MYO18A: variants seen among roughly 807,000 people sequenced by gnomAD.
MYO18A encodes myosin XVIIIA, also known as unconventional myosin-XVIIIa.
MYO18A carries 78 observed loss-of-function variants against 235.8 expected under a neutral mutation model. That is an observed-to-expected ratio of 0.33 (90% confidence interval 0.28 to 0.40). MYO18A has a LOEUF of 0.40. Among genes scored for constraint, MYO18A ranks in the 10% least tolerant of loss-of-function variants. The pLI is 1.00. For missense variants in MYO18A, 2,215 were observed against 2,699.3 expected (o/e 0.82, Z 3.98); for synonymous variants, 977 against 1,077.8 (o/e 0.91, Z 1.83).
intron 19 of MYO18A, among the ~76,000 whole-genome samples, chr17:29,108,175 CCT>C (rs1264938779): frequency 6.6e-6 from 1 of 152,104 alleles, no homozygotes; most frequent in Non-Finnish European, 1.5e-5. Flanking sequence ...TCCTTTTCCC[CCT>C]CTGTCCACTA....
At chr17:29,139,785 T>C (rs559682044) in intron 2 of MYO18A, among the ~76,000 whole-genome samples, 3 of 152,202 alleles carry the variant, frequency 2.0e-5, no homozygotes, top group South Asian at 2.1e-4. Flanking sequence ...AAGTGTCCTA[T>C]GCACAGAAAT....
chr17:29,072,173 A>C lies in MYO18A; in HGVS notation c.*2597T>G. 1 of 147,934 alleles carries C rather than the reference A, an allele frequency of 6.8e-6. No homozygotes were observed. Among genetic ancestry groups the C allele is most frequent in the Non-Finnish European group, 1.5e-5 (1 of 67,182 alleles). 9.2% of individuals were successfully genotyped at this position (147,934 alleles called of 1,614,324 possible). A position where few individuals can be genotyped will look rare whatever the true frequency, so the allele number is the denominator to read the frequency against. On this transcript the variant is annotated 3_prime_UTR_variant, in exon 42 of 42. Coordinates refer to ENST00000527372, the MANE Select transcript of MYO18A (RefSeq NM_078471.4). ...TGTGAAAACAGGAATAAAAGATGAG[A>C]GTGACAGAACTGAACATAAGCTAGC...
intron 2 of MYO18A, among the ~76,000 whole-genome samples, chr17:29,149,017 C>T (rs1310938102): frequency 6.6e-6 from 1 of 152,228 alleles, no homozygotes; most frequent in Non-Finnish European, 1.5e-5. Flanking sequence ...CCTGCAGCGC[C>T]GCTGGCGCCC....
At chr17:29,138,129 G>A (rs1035813015) in intron 2 of MYO18A, among the ~76,000 whole-genome samples, 1 of 152,078 alleles carries the variant, frequency 6.6e-6, no homozygotes, top group Non-Finnish European at 1.5e-5. Context: ...GAGGGAATGG[G>A]GGCACAAATG....
intron 20 of MYO18A, among the ~76,000 whole-genome samples, chr17:29,105,885 A>C (rs576038181): frequency 6.6e-6 from 1 of 152,144 alleles, no homozygotes; most frequent in African/African-American, 2.4e-5. Context: ...GGGAGCCCAA[A>C]GCAAGGAGTG....
chr17:29,128,391 C>T (rs1416859944), intron 2 of MYO18A: 18 of 1,288,770 alleles, frequency 1.4e-5, no homozygotes, highest in Admixed American at 6.9e-5. Flanking sequence ...TGGGCCTCTT[C>T]GCTTAGGCCT....
intron 2 of MYO18A, among the ~76,000 whole-genome samples, chr17:29,163,234 A>T (rs904364124): frequency 6.6e-6 from 1 of 152,202 alleles, no homozygotes; most frequent in South Asian, 2.1e-4. Context: ...TAGGAGGAGT[A>T]AAAGGAAGAG....
chr17:29,094,583 G>A (rs71369699), intron 30 of MYO18A, 67 bp downstream of exon 30: 25,959 of 1,532,470 alleles, frequency 0.017, 263 homozygotes, highest in Non-Finnish European at 0.02. Context: ...CCATGCCTGA[G>A]GCTGGCTGTG....
At position 29,154,121 on chromosome 17, in the gene MYO18A, T is replaced by TGTGTGTGTGTGTGCGCGCGCGC. The variant is rs142430455; in HGVS notation, c.999+11820_999+11821insGCGCGCGCGCACACACACACAC. Reference sequence around the variant, plus strand: ...TGCAGAGTGTGTGTGTGTGTGTGTGTGCGCGCGCGTGCGTGTGTATGTGGC... The same window carrying TGTGTGTGTGTGTGCGCGCGCGC: ...TGCAGAGTGTGTGTGTGTGTGTGTGTGTGTGTGTGTGTGCGCGCGCGCGCGCGCGCGTGCGTGTGTATGTGGC... On this transcript the variant is annotated intron_variant, in intron 2 of 41. Coordinates refer to ENST00000527372, the MANE Select transcript of MYO18A (RefSeq NM_078471.4). Among the ~76,000 whole-genome samples, 8 of 149,106 alleles carry TGTGTGTGTGTGTGCGCGCGCGC rather than the reference T, an allele frequency of 5.4e-5. No homozygotes were observed. The East Asian group carries it at 8.0e-4, about 15-fold the overall frequency.
chr17:29,136,258 T>A lies in MYO18A; in HGVS notation c.1000-14005A>T, dbSNP rs1447965426. ...AAGAAAAAAAAAAAAAAAATATATATATATATATATATATATGTAATGTAT... is the reference window on the plus strand; with the variant it reads ...AAGAAAAAAAAAAAAAAAATATATAAATATATATATATATATGTAATGTAT... On this transcript the variant is annotated intron_variant, in intron 2 of 41. Coordinates refer to ENST00000527372, the MANE Select transcript of MYO18A (RefSeq NM_078471.4). 6.6e-3 allele frequency among the ~76,000 whole-genome samples: 843 copies of A among 128,064 alleles called. 2 individuals carry two copies. Among genetic ancestry groups the A allele is most frequent in the African/African-American group, 0.02 (569 of 28,446 alleles). 84.0% of individuals were successfully genotyped at this position (128,064 alleles called of 152,430 possible).
Position 29,166,301 on chromosome 17 carries a change from G to A in MYO18A, c.640C>T (p.Pro214Ser), listed in dbSNP as rs1317110904. The change falls in exon 2 of 42, where the codon CCC becomes TCC. Residue 214 changes from proline (P) to serine (S), a missense_variant. Pro to Ser is a moderately conservative substitution (Grantham distance 74). Coordinates refer to ENST00000527372, the MANE Select transcript of MYO18A (RefSeq NM_078471.4). ...DLRLPPVVPL[P>S]PPTLRELELQ... Reference sequence around the variant, plus strand: ...TCCAGCTCCCGGAGGGTAGGTGGGGGCAGGGGCACCACGGGGGGCAGGCGC... The same window carrying A: ...TCCAGCTCCCGGAGGGTAGGTGGGGACAGGGGCACCACGGGGGGCAGGCGC... 1.2e-5 allele frequency: 19 copies of A among 1,612,500 alleles called. No homozygotes were observed. The highest frequency in any genetic ancestry group is 1.6e-5 in the Non-Finnish European group (19 of 1,179,862).
At chr17:29,154,472 C>T (rs1384855154) in intron 2 of MYO18A, among the ~76,000 whole-genome samples, 2 of 152,224 alleles carry the variant, frequency 1.3e-5, no homozygotes, top group African/African-American at 4.8e-5. Context: ...GCAATCGGGG[C>T]TCTGCCAGGC....
At chr17:29,168,905 C>T (rs2068338199) in intron 1 of MYO18A, among the ~76,000 whole-genome samples, 1 of 152,222 alleles carries the variant, frequency 6.6e-6, no homozygotes, top group Non-Finnish European at 1.5e-5. Flanking sequence ...CAAGACCACT[C>T]ATGCCTATAA....
intron 40 of MYO18A, among the ~76,000 whole-genome samples, chr17:29,083,696 G>C (rs185665323): frequency 6.6e-6 from 1 of 152,130 alleles, no homozygotes; most frequent in Non-Finnish European, 1.5e-5. Context: ...GGGTAAACAG[G>C]AGTTTAGCAG....
In MYO18A at chr17:29,098,009, TA is replaced by T. The variant is rs1008151616; in HGVS notation, c.3990+95del. On this transcript the variant is annotated intron_variant, in intron 25 of 41. Coordinates refer to ENST00000527372, the MANE Select transcript of MYO18A (RefSeq NM_078471.4). ...CCAAGGGCAGACAGGGATGCTGGGC[TA>T]GGGGTGAAGATGCCAACTGTCTTTG... 3.8e-6 allele frequency: 6 copies of T among 1,578,466 alleles called. No individual in the cohort carries two copies. In the African/African-American group the frequency reaches 5.4e-5, roughly 14 times the overall value.
rs144044077 is a variant in MYO18A, at chr17:29,111,222, C to T, written c.2900+202G>A. 6.4e-3 allele frequency among the ~76,000 whole-genome samples: 971 copies of T among 152,294 alleles called. 7 individuals carry two copies. Among genetic ancestry groups the T allele is most frequent in the Middle Eastern group, 0.034 (10 of 294 alleles). On this transcript the variant is annotated intron_variant, in intron 17 of 41. Transcript: ENST00000527372. The surrounding 1 kb of genome is among the most constrained non-coding windows in gnomAD (Gnocchi z 5.1). ...TCTTCACATTTAAACCATAGGCTCTCCCACCATGTCTGCCTCCCACCTCTA... is the reference window on the plus strand; with the variant it reads ...TCTTCACATTTAAACCATAGGCTCTTCCACCATGTCTGCCTCCCACCTCTA...
chr17:29,087,169 C>T (rs759469632), intron 37 of MYO18A, 48 bp from the exon 38 acceptor site: 4 of 1,570,386 alleles, frequency 2.5e-6, no homozygotes, highest in Non-Finnish European at 3.5e-6. Flanking sequence ...GGCCCATCAG[C>T]CAGGCAGAGG....
chr17:29,081,834 G>A (rs2066131598), intron 41 of MYO18A, among the ~76,000 whole-genome samples: 1 of 152,170 alleles, frequency 6.6e-6, no homozygotes, highest in African/African-American at 2.4e-5. Context: ...GCAGTGAAGA[G>A]ATTAGAGGAA....
intron 2 of MYO18A, among the ~76,000 whole-genome samples, chr17:29,165,212 G>C (rs2068253354): frequency 6.6e-6 from 1 of 152,188 alleles, no homozygotes; most frequent in Admixed American, 6.5e-5. Context: ...ATACATCTCA[G>C]ATGTTCCATG....
Sources: allele counts gnomAD v4.1 joint callset (sites outside exome capture counted in the v4.1 genomes callset), GRCh38; gene constraint gnomAD v4.1.1; non-coding constraint Gnocchi (gnomAD v3.1); transcripts MANE v1.5; gene names NCBI Gene and HGNC (gene_info 2026-07-23, HGNC 2026-07-21).